The following DNAH3 variants were observed in gnomAD, a reference collection of about 807,000 sequenced individuals.
DNAH3 encodes axonemal beta dynein heavy chain 3.
In DNAH3, 332 loss-of-function variants were observed where a neutral mutation model predicts 432.5. That is an observed-to-expected ratio of 0.77 (90% CI 0.70 to 0.84). The LOEUF (loss-of-function observed/expected upper bound fraction) is 0.84, where lower values mean the gene tolerates loss of function less well. Among genes scored for constraint, DNAH3 ranks in the 40% least tolerant of loss-of-function variants. The pLI is 0.00. For missense variants in DNAH3, 4,861 were observed against 5,114.0 expected, an observed-to-expected ratio of 0.95 and a Z score of 1.51; for synonymous variants, 1,956 against 1,900.2, an observed-to-expected ratio of 1.03 and a Z score of -0.76.
At chr16:21,153,951 A>G (rs1442894496) in intron 1 of DNAH3, among the ~76,000 whole-genome samples, 1 of 152,202 alleles carries the variant, frequency 6.6e-6, no homozygotes, top group Non-Finnish European at 1.5e-5. Context: ...TTTATCACAA[A>G]GTATACATAC....
chr16:21,130,284 G>T (rs187668649), intron 7 of DNAH3, among the ~76,000 whole-genome samples: 1 of 149,530 alleles, frequency 6.7e-6, no homozygotes, highest in East Asian at 2.0e-4. Context: ...CTAATAAAAA[G>T]CTCTCATCAA....
At chr16:20,985,696 G>C in exon 48 of DNAH3, 1 of 1,613,508 alleles carries the variant, frequency 6.2e-7, no homozygotes, top group Non-Finnish European at 8.5e-7. Context: ...CTTTCCAGTG[G>C]GTGACAAGTG....
intron 51 of DNAH3, among the ~76,000 whole-genome samples, chr16:20,974,754 G>A (rs891388801): frequency 2.6e-5 from 4 of 151,260 alleles, no homozygotes; most frequent in South Asian, 2.1e-4. Flanking sequence ...TGGTTTCAGC[G>A]ATGTTTCAGA....
chr16:21,022,666 T>C (rs952785609), intron 39 of DNAH3, among the ~76,000 whole-genome samples: 2 of 152,210 alleles, frequency 1.3e-5, no homozygotes, highest in African/African-American at 4.8e-5. Context: ...TTTAAAAAGT[T>C]ATCCGACTTG....
intron 50 of DNAH3, among the ~76,000 whole-genome samples, chr16:20,977,444 C>T (rs370211772): frequency 6.6e-6 from 1 of 152,070 alleles, no homozygotes; most frequent in Non-Finnish European, 1.5e-5. Context: ...CTAGAATTAC[C>T]CCCCTGAAGT....
At chr16:21,150,244 A>T (rs950962258) in intron 1 of DNAH3, 46 bp downstream of exon 2, 1 of 423,234 alleles carries the variant, frequency 2.4e-6, no homozygotes, top group Non-Finnish European at 4.6e-6. Context: ...AAAATAAAAA[A>T]AAAAAATACA....
chr16:21,008,693 G>A (rs568314784), intron 41 of DNAH3, among the ~76,000 whole-genome samples: 14 of 152,110 alleles, frequency 9.2e-5, no homozygotes, highest in South Asian at 4.2e-4. Flanking sequence ...TTTCCTCTCC[G>A]TTGGTGATTT....
chr16:20,988,389 C>T (rs1332398594), intron 44 of DNAH3, among the ~76,000 whole-genome samples: 3 of 152,110 alleles, frequency 2.0e-5, no homozygotes, highest in Non-Finnish European at 4.4e-5. Context: ...GTTTAGTGCT[C>T]ATTATTATAT....
At chr16:20,981,007 T>TG (rs2085871543) in intron 49 of DNAH3, among the ~76,000 whole-genome samples, 1 of 152,108 alleles carries the variant, frequency 6.6e-6, no homozygotes, top group Non-Finnish European at 1.5e-5. Flanking sequence ...AAAAGCAGGG[T>TG]GAATTCAACT....
chr16:21,099,164 G>A (rs545505306), intron 16 of DNAH3, among the ~76,000 whole-genome samples: 5 of 152,126 alleles, frequency 3.3e-5, no homozygotes, highest in South Asian at 2.1e-4. Flanking sequence ...ATATATTTGC[G>A]AAGTATGCTA....
chr16:20,968,455 A>G (rs550226859), intron 52 of DNAH3, among the ~76,000 whole-genome samples: 2 of 152,322 alleles, frequency 1.3e-5, no homozygotes, highest in African/African-American at 4.8e-5. Context: ...AAGGCAGGAA[A>G]TAGATTTGGA....
rs140516491 is a variant in DNAH3, at chr16:21,122,018, G to A, written c.1511C>T (p.Ser504Phe). 5.7e-3 allele frequency: 9,123 copies of A among 1,613,820 alleles called. 35 individuals are homozygous for A. The highest frequency in any genetic ancestry group is 8.9e-3 in the Middle Eastern group (54 of 6,062). ...TATTAATTCCCAGCAGCCATCAAAA[G>A]ATGGATTGAAGACAATAATGGGTTC... The change falls in exon 10 of 62, where the codon TCT becomes TTT. Residue 504 changes from serine (S) to phenylalanine (F), a missense_variant. Physicochemically the swap from Ser to Phe is radical, Grantham distance 155. Transcript: ENST00000261383.
At chr16:21,049,213 C>G (rs1281326210) in intron 31 of DNAH3, among the ~76,000 whole-genome samples, 1 of 152,162 alleles carries the variant, frequency 6.6e-6, no homozygotes, top group Non-Finnish European at 1.5e-5. Flanking sequence ...ATCCTCCCAC[C>G]TTGGCCTCCC....
At chr16:20,986,044 GGA>G (rs1442347828) in intron 47 of DNAH3, among the ~76,000 whole-genome samples, 1 of 151,772 alleles carries the variant, frequency 6.6e-6, no homozygotes, top group Non-Finnish European at 1.5e-5. Flanking sequence ...TTGTAGAGAT[GGA>G]GTTTCATCAT....
chr16:21,033,035 T>C (rs2088969007), intron 36 of DNAH3, among the ~76,000 whole-genome samples: 1 of 152,152 alleles, frequency 6.6e-6, no homozygotes, highest in Non-Finnish European at 1.5e-5. Context: ...TGCGCAATCA[T>C]AGCTCACTGC....
At chr16:21,025,794 T>C (rs2088521183) in intron 38 of DNAH3, among the ~76,000 whole-genome samples, 1 of 152,134 alleles carries the variant, frequency 6.6e-6, no homozygotes, top group South Asian at 2.1e-4. Context: ...AGTGCAGTAG[T>C]GTGATCTCGG....
At position 21,145,168 on chromosome 16, in the gene DNAH3, C is replaced by T. The variant is rs1567870869; in HGVS notation, c.448+13G>A. ...AGCCCCATTCTGCAAGGGTGTGACA[C>T]TGCCACAAGTACCTGATGATGGCAG... On this transcript the variant is annotated intron_variant, in intron 3 of 61. Coordinates refer to ENST00000261383, the Ensembl canonical transcript of DNAH3. 6.2e-7 allele frequency: 1 copy of T among 1,601,074 alleles called. No individual in the cohort carries two copies.
intron 27 of DNAH3, among the ~76,000 whole-genome samples, chr16:21,056,609 A>T (rs969703835): frequency 6.6e-6 from 1 of 152,204 alleles, no homozygotes; most frequent in Non-Finnish European, 1.5e-5. Flanking sequence ...CACAGAGCAG[A>T]TGCCAAATCA....
At chr16:21,111,758 T>A (rs1567809902) in exon 14 of DNAH3, 8 of 1,613,976 alleles carry the variant, frequency 5.0e-6, no homozygotes, top group Non-Finnish European at 6.8e-6. Context: ...CACGGTGATG[T>A]TCATGGATGC....
Sources: allele counts gnomAD v4.1 joint callset (sites outside exome capture counted in the v4.1 genomes callset), GRCh38; gene constraint gnomAD v4.1.1; transcripts MANE v1.5; gene names NCBI Gene and HGNC (gene_info 2026-07-23, HGNC 2026-07-21).